MSRB3: variants seen among roughly 807,000 people sequenced by gnomAD.
The protein encoded by MSRB3 is methionine-R-sulfoxide reductase B3.
In MSRB3, 13 loss-of-function variants were observed where a neutral mutation model predicts 21.0. The observed-to-expected ratio is 0.62, with a 90% CI of 0.40 to 0.98. MSRB3 has a LOEUF of 0.98. Ranked by LOEUF, MSRB3 falls within the 50% of genes least tolerant of loss-of-function variation. MSRB3 has a pLI of 0.00. For missense variants in MSRB3, 199 were observed against 230.3 expected (o/e 0.86, Z 0.88); for synonymous variants, 87 against 88.6 (o/e 0.98, Z 0.10).
chr12:65,373,421 G>C (rs147074373), intron 5 of MSRB3, among the ~76,000 whole-genome samples: 22 of 152,252 alleles, frequency 1.4e-4, no homozygotes, highest in African/African-American at 5.3e-4. Flanking sequence ...CCGTAATTCT[G>C]TGGTCCCAAC....
At chr12:65,417,856 A>G (rs1226847939) in intron 5 of MSRB3, among the ~76,000 whole-genome samples, 1 of 152,200 alleles carries the variant, frequency 6.6e-6, no homozygotes, top group African/African-American at 2.4e-5. Flanking sequence ...GTGTGATTAT[A>G]TACCACATTC....
chr12:65,452,681 G>A (rs1337699598), intron 5 of MSRB3, among the ~76,000 whole-genome samples: 2 of 152,156 alleles, frequency 1.3e-5, no homozygotes, highest in African/African-American at 4.8e-5. Context: ...GAGCTTTGGG[G>A]ATTTGGCCTA....
chr12:65,325,867 A>G (rs1465703449), intron 2 of MSRB3, among the ~76,000 whole-genome samples: 1 of 152,174 alleles, frequency 6.6e-6, no homozygotes. Flanking sequence ...ATTTCTTTTC[A>G]GTCATTTGCT....
intron 5 of MSRB3, among the ~76,000 whole-genome samples, chr12:65,416,550 T>G (rs758310354): frequency 6.6e-6 from 1 of 152,224 alleles, no homozygotes; most frequent in Admixed American, 6.5e-5. Flanking sequence ...GTATAGCCTA[T>G]TGCTTTTAGG....
intron 1 of MSRB3, among the ~76,000 whole-genome samples, chr12:65,296,390 A>T (rs11616070): frequency 0.26 from 40,082 of 152,118 alleles, 5,591 homozygotes; most frequent in Admixed American, 0.37. Context: ...GGGAAGTAAA[A>T]CTCACTGAGC....
At chr12:65,414,115 C>CT (rs1350211705) in intron 5 of MSRB3, among the ~76,000 whole-genome samples, 3 of 152,092 alleles carry the variant, frequency 2.0e-5, no homozygotes, top group African/African-American at 7.2e-5. Context: ...GGATTTTACT[C>CT]TGAGTAAAAC....
intron 5 of MSRB3, among the ~76,000 whole-genome samples, chr12:65,414,895 A>G (rs1310553277): frequency 6.6e-6 from 1 of 152,146 alleles, no homozygotes; most frequent in African/African-American, 2.4e-5. Flanking sequence ...TTCAGTTTTG[A>G]ACATATTAAT....
At chr12:65,293,181 A>G (rs1374115375) in intron 1 of MSRB3, among the ~76,000 whole-genome samples, 1 of 151,952 alleles carries the variant, frequency 6.6e-6, no homozygotes, top group Non-Finnish European at 1.5e-5. Flanking sequence ...GTCCTCTTAA[A>G]TTTTTTTTAT....
In MSRB3 at chr12:65,463,288, C is replaced by T. The variant is rs1438249746; in HGVS notation, c.524C>T (p.Ala175Val). 6.2e-7 allele frequency: 1 copy of T among 1,614,172 alleles called. No homozygotes were observed. The highest frequency in any genetic ancestry group is 2.2e-5 in the East Asian group (1 of 44,870). Residue 175 changes from alanine (A) to valine (V), a missense_variant, in exon 7 of 7, where the codon GCC becomes GTC. Transcript: ENST00000308259. ...SGTAEGGSGVASPAQADKAEL is the reference protein window; with the variant it reads ...SGTAEGGSGVVSPAQADKAEL ...ACCGCCGAGGGAGGCAGTGGGGTCG[C>T]CAGCCCGGCCCAGGCAGACAAAGCG...
At chr12:65,368,928 C>G (rs1057133746) in intron 4 of MSRB3, 70 bp from the exon 5 acceptor site, 1 of 590,790 alleles carries the variant, frequency 1.7e-6, no homozygotes, top group Non-Finnish European at 3.1e-6. Context: ...ACCACACCCC[C>G]CCCCCCCATG....
At chr12:65,322,660 C>CAAAAAAA (rs34770864) in intron 2 of MSRB3, among the ~76,000 whole-genome samples, 4 of 87,584 alleles carry the variant, frequency 4.6e-5, no homozygotes, top group Admixed American at 1.3e-4. Context: ...GACTCCATCT[C>CAAAAAAA]AAAAAAAAAA....
intron 4 of MSRB3, among the ~76,000 whole-genome samples, chr12:65,329,548 G>A (rs1042242728): frequency 2.0e-5 from 3 of 151,944 alleles, no homozygotes. Context: ...TACTCGGGAG[G>A]CTGAGGCAGG....
chr12:65,308,899 A>G (rs1218517094), intron 2 of MSRB3: 7 of 569,260 alleles, frequency 1.2e-5, no homozygotes, highest in African/African-American at 1.9e-5. Context: ...CTAATATTTC[A>G]TATCTTCTTG....
chr12:65,289,501 T>C (rs1219271221), intron 1 of MSRB3, among the ~76,000 whole-genome samples: 1 of 152,092 alleles, frequency 6.6e-6, no homozygotes, highest in Non-Finnish European at 1.5e-5. Context: ...TAAAAATAAA[T>C]AAATAAATAA....
rs149757878 is a variant in MSRB3, at chr12:65,278,822, C to T, written c.-95C>T. 748 of 1,568,746 alleles carry T rather than the reference C, an allele frequency of 4.8e-4. 1 individual carries two copies. Among genetic ancestry groups the T allele is most frequent in the Admixed American group, 1.4e-3 (73 of 52,992 alleles). The stretch of plus-strand genomic sequence containing the variant: ...CCCTCTCGCTCTGCCTCTCCCTCTG[C>T]CTCTGCCTCTGCCTGGCCGCGGCTC... On this transcript the variant is annotated 5_prime_UTR_variant, in exon 1 of 7. Coordinates refer to ENST00000308259, the MANE Select transcript of MSRB3 (RefSeq NM_001031679.3).
intron 4 of MSRB3, among the ~76,000 whole-genome samples, chr12:65,341,250 C>T (rs1876119728): frequency 6.6e-6 from 1 of 151,972 alleles, no homozygotes. Context: ...CAGTTATTTG[C>T]AACAACATGG....
chr12:65,322,809 A>G (rs1285385377), intron 2 of MSRB3, among the ~76,000 whole-genome samples: 1 of 152,024 alleles, frequency 6.6e-6, no homozygotes, highest in African/African-American at 2.4e-5. Flanking sequence ...CAGTTTCTGT[A>G]TCTGTAAAAT....
At chr12:65,431,191 T>C (rs934672749) in intron 5 of MSRB3, among the ~76,000 whole-genome samples, 26 of 152,224 alleles carry the variant, frequency 1.7e-4, no homozygotes, top group African/African-American at 6.0e-4. Flanking sequence ...CCTAAATGAC[T>C]GTATTCCTGA....
At chr12:65,376,079 A>G (rs1169135088) in intron 5 of MSRB3, among the ~76,000 whole-genome samples, 1 of 142,772 alleles carries the variant, frequency 7.0e-6, no homozygotes, top group Non-Finnish European at 1.5e-5. Context: ...TTTGGTTTTT[A>G]TTTTATCTGA....
Sources: allele counts gnomAD v4.1 joint callset (sites outside exome capture counted in the v4.1 genomes callset), GRCh38; gene constraint gnomAD v4.1.1; transcripts MANE v1.5; gene names NCBI Gene and HGNC (gene_info 2026-07-23, HGNC 2026-07-21).